The following CNIH3 variants were observed in gnomAD, a reference collection of about 807,000 sequenced individuals.
CNIH3 encodes the protein protein cornichon homolog 3.
In CNIH3, 14 loss-of-function variants were observed where a neutral mutation model predicts 24.1. The ratio of observed to expected loss-of-function variants is 0.58; its 90% confidence interval spans 0.38 to 0.91. The LOEUF (loss-of-function observed/expected upper bound fraction) is 0.91. Among genes scored for constraint, CNIH3 ranks in the 40% least tolerant of loss-of-function variants. CNIH3 has a pLI of 0.00. For synonymous variants in CNIH3, 68 were observed against 73.8 expected (o/e 0.92, Z 0.40); for missense variants, 178 against 196.8 (o/e 0.90, Z 0.57).
At chr1:224,545,125 C>T (rs1679654344) in intron 2 of CNIH3, among the ~76,000 whole-genome samples, 1 of 152,216 alleles carries the variant, frequency 6.6e-6, no homozygotes, top group Non-Finnish European at 1.5e-5. Context: ...TTTGTGATTG[C>T]ATATTGCAAT....
chr1:224,594,531 G>A (rs1412186746), intron 3 of CNIH3, among the ~76,000 whole-genome samples: 1 of 152,222 alleles, frequency 6.6e-6, no homozygotes, highest in East Asian at 1.9e-4. Flanking sequence ...AGCAGGAGGT[G>A]TGGCACACAG....
At chr1:224,618,619 C>G (rs549716701) in intron 1 of CNIH3, among the ~76,000 whole-genome samples, 97 of 152,282 alleles carry the variant, frequency 6.4e-4, no homozygotes, top group African/African-American at 1.9e-3. Flanking sequence ...TAGGAAAGAC[C>G]CTTGCTGGCT....
chr1:224,533,041 A>T (rs1679135492), intron 2 of CNIH3, among the ~76,000 whole-genome samples: 1 of 152,172 alleles, frequency 6.6e-6, no homozygotes, highest in Non-Finnish European at 1.5e-5. Flanking sequence ...GGAGAAATTT[A>T]TGTGGGCTGG....
chr1:224,498,025 A>G (rs1225595824), intron 1 of CNIH3, among the ~76,000 whole-genome samples: 2 of 152,212 alleles, frequency 1.3e-5, no homozygotes, highest in Non-Finnish European at 2.9e-5. Context: ...GCTCAGAAGG[A>G]GGAAGAATCT....
chr1:224,652,594 C>T (rs1382052670), intron 1 of CNIH3, among the ~76,000 whole-genome samples: 1 of 152,080 alleles, frequency 6.6e-6, no homozygotes, highest in Admixed American at 6.5e-5. Flanking sequence ...CGTCGGGCCC[C>T]TGATAGGTGT....
rs554760628 is a variant in CNIH3, at chr1:224,691,748, G to A, written c.198+6905G>A. 4.6e-5 allele frequency among the ~76,000 whole-genome samples: 7 copies of A among 152,292 alleles called. No homozygotes were observed. In the South Asian group the frequency reaches 1.0e-3, roughly 23 times the overall value. On this transcript the variant is annotated intron_variant, in intron 3 of 5. Transcript: ENST00000272133. ...GATGGATTATTTTCATTCTCTCATT[G>A]GGCAGAGTATCTTAGCTCCTGGTAT...
chr1:224,674,569 C>T lies in CNIH3; in HGVS notation c.82-6389C>T, dbSNP rs149217359. On this transcript the variant is annotated intron_variant, in intron 1 of 5. Transcript: ENST00000272133. ...TGCTGTAGTCCTTGGTGAGGCTCCG[C>T]GCAGTGAGCTTCCATGGATAGTTGC... Among the ~76,000 whole-genome samples, 353 of 152,106 alleles carry T rather than the reference C, an allele frequency of 2.3e-3. 1 individual carries two copies. The highest frequency in any genetic ancestry group is 7.7e-3 in the African/African-American group (318 of 41,486).
At chr1:224,720,440 G>A (rs1688655464) in intron 3 of CNIH3, among the ~76,000 whole-genome samples, 1 of 152,108 alleles carries the variant, frequency 6.6e-6, no homozygotes, top group South Asian at 2.1e-4. Context: ...AAACGTGGCT[G>A]TAGCAGGCAG....
intron 2 of CNIH3, among the ~76,000 whole-genome samples, chr1:224,544,184 C>T (rs1259291895): frequency 6.6e-6 from 1 of 152,206 alleles, no homozygotes; most frequent in African/African-American, 2.4e-5. Context: ...CCAGTGCATT[C>T]AGAAATAGTC....
chr1:224,555,022 G>A (rs191589658), intron 3 of CNIH3, among the ~76,000 whole-genome samples: 13 of 152,270 alleles, frequency 8.5e-5, no homozygotes, highest in Admixed American at 2.6e-4. Flanking sequence ...TTGAGCATCC[G>A]TGGGTTTTGG....
chr1:224,503,792 G>T (rs913201802), intron 1 of CNIH3, among the ~76,000 whole-genome samples: 1 of 152,242 alleles, frequency 6.6e-6, no homozygotes, highest in Non-Finnish European at 1.5e-5. Context: ...AGGGATTGCC[G>T]TGGGAGTGCC....
intron 3 of CNIH3, among the ~76,000 whole-genome samples, chr1:224,710,602 A>G (rs56977950): frequency 0.013 from 1,981 of 152,172 alleles, 29 homozygotes; most frequent in African/African-American, 0.042. Context: ...CCTTATTGCA[A>G]TCTGCTTTTT....
At chr1:224,553,299 C>T (rs564584184) in intron 3 of CNIH3, among the ~76,000 whole-genome samples, 27 of 151,564 alleles carry the variant, frequency 1.8e-4, no homozygotes, top group African/African-American at 6.3e-4. Flanking sequence ...GGTGTACACC[C>T]CCTGTGATAT....
At chr1:224,508,892 G>A (rs1052569906) in intron 1 of CNIH3, among the ~76,000 whole-genome samples, 17 of 152,326 alleles carry the variant, frequency 1.1e-4, no homozygotes, top group Admixed American at 3.9e-4. Context: ...AGATAACTAC[G>A]ATTTTTATTC....
intron 3 of CNIH3, among the ~76,000 whole-genome samples, chr1:224,553,734 TTTTC>T (rs890128300): frequency 4.9e-5 from 7 of 144,004 alleles, no homozygotes; most frequent in South Asian, 4.7e-4. Flanking sequence ...GAATTTGGGT[TTTTC>T]TTTCTTTCTT....
intron 1 of CNIH3, among the ~76,000 whole-genome samples, chr1:224,650,657 C>T (rs1395695415): frequency 6.6e-6 from 1 of 152,126 alleles, no homozygotes; most frequent in African/African-American, 2.4e-5. Context: ...CCCGCAACAA[C>T]AAAAGTTGTT....
chr1:224,633,954 G>A (rs1432399815), intron 1 of CNIH3, among the ~76,000 whole-genome samples: 1 of 152,254 alleles, frequency 6.6e-6, no homozygotes, highest in Non-Finnish European at 1.5e-5. Context: ...ACTCTTTGAT[G>A]TGTTATCCAT....
chr1:224,443,119 A>AG (rs142554175), intron 1 of CNIH3, among the ~76,000 whole-genome samples: 223 of 152,354 alleles, frequency 1.5e-3, no homozygotes, highest in African/African-American at 5.0e-3. Context: ...TATGTCCAGT[A>AG]GGGATAGCAC....
At chr1:224,687,231 A>G (rs547207096) in intron 3 of CNIH3, among the ~76,000 whole-genome samples, 1 of 152,292 alleles carries the variant, frequency 6.6e-6, no homozygotes, top group East Asian at 1.9e-4. Flanking sequence ...CCATGTACCT[A>G]CAACTTTATT....
Sources: gnomAD v4.1 joint callset for allele counts (sites outside exome capture counted in the v4.1 genomes callset) on GRCh38, gnomAD v4.1.1 for gene constraint, MANE v1.5 for transcripts, NCBI Gene and HGNC (gene_info 2026-07-23, HGNC 2026-07-21) for gene names.